The following MAL2 variants were observed in gnomAD, a reference collection of about 807,000 sequenced individuals.
MAL2 encodes the protein mal, T cell differentiation protein 2.
A neutral mutation model predicts 18.1 loss-of-function variants in MAL2; 17 were observed. The observed-to-expected ratio is 0.94, with a 90% confidence interval of 0.64 to 1.41. MAL2 has a LOEUF of 1.41. Ranked by LOEUF, MAL2 falls within the 40% of genes most tolerant of loss-of-function variation. The probability of loss-of-function intolerance (pLI) is 0.00; values close to 1 mark genes in which losing one functional copy is unlikely to be tolerated. For missense variants in MAL2, 222 were observed against 231.9 expected, an observed-to-expected ratio of 0.96 and a Z score of 0.28; for synonymous variants, 102 against 102.3, an observed-to-expected ratio of 1.00 and a Z score of 0.02.
At chr8:119,228,231 G>A (rs1228378654) in intron 2 of MAL2, among the ~76,000 whole-genome samples, 1 of 152,210 alleles carries the variant, frequency 6.6e-6, no homozygotes, top group East Asian at 1.9e-4. Context: ...GGACAAAAGA[G>A]TCCAAAGTGG....
intron 1 of MAL2, among the ~76,000 whole-genome samples, chr8:119,219,252 A>G (rs538727987): frequency 6.6e-6 from 1 of 152,310 alleles, no homozygotes; most frequent in African/African-American, 2.4e-5. Context: ...TGATTTGATT[A>G]TCATTGATCA....
chr8:119,229,766 C>A (rs1010883883), intron 2 of MAL2, among the ~76,000 whole-genome samples: 1 of 152,184 alleles, frequency 6.6e-6, no homozygotes, highest in South Asian at 2.1e-4. Context: ...TTCAACCTTG[C>A]AACCACATAG....
At position 119,221,690 on chromosome 8, in the gene MAL2, C is replaced by A. The variant is rs745631374; in HGVS notation, c.236C>A (p.Ser79Ter). 1.9e-5 allele frequency: 31 copies of A among 1,613,738 alleles called. No homozygotes were observed. The highest frequency in any genetic ancestry group is 2.6e-5 in the Non-Finnish European group (31 of 1,179,838). The change falls in exon 2 of 4, where the codon TCG becomes TAG. Residue 79 changes from serine (S) to a stop codon, truncating the protein, a stop_gained. Coordinates refer to ENST00000614891, the MANE Select transcript of MAL2 (RefSeq NM_052886.3). LOFTEE classifies it high-confidence loss of function. The stretch of plus-strand genomic sequence containing the variant: ...GTGTCCGTGACAGCGTTTTTCTTTT[C>A]GCTCCTCTTTCTGGGCATGTTCCTC... ...MFVSVTAFFFSLLFLGMFLSG... is the reference protein window; with the variant it reads ...MFVSVTAFFF
At chr8:119,213,595 G>T (rs1817298294) in intron 1 of MAL2, among the ~76,000 whole-genome samples, 1 of 152,106 alleles carries the variant, frequency 6.6e-6, no homozygotes, top group African/African-American at 2.4e-5. Context: ...GAAGCAGGTG[G>T]ATCACCTGAG....
chr8:119,224,358 T>C (rs1008050552), intron 2 of MAL2: 1 of 152,120 alleles, frequency 6.6e-6, no homozygotes, highest in Admixed American at 6.6e-5. Context: ...AAACAGAAGA[T>C]TCTAAATTTA....
rs1818121219 is a variant in MAL2 at position 119,244,940 on chromosome 8, T to A, written c.*1452T>A. On this transcript the variant is annotated 3_prime_UTR_variant, in exon 4 of 4. Coordinates refer to ENST00000614891, the MANE Select transcript of MAL2 (RefSeq NM_052886.3). Reference sequence around the variant, plus strand: ...CTTTTTCAGCCCTTTACTTTCTGGCTGAAGCATCCCCTTGGAGTGCCATGT... The same window carrying A: ...CTTTTTCAGCCCTTTACTTTCTGGCAGAAGCATCCCCTTGGAGTGCCATGT... 6.6e-6 allele frequency: 1 copy of A among 152,606 alleles called. No homozygotes were observed. Among genetic ancestry groups the A allele is most frequent in the Non-Finnish European group, 1.5e-5 (1 of 68,028 alleles). 9.5% of individuals were successfully genotyped at this position (152,606 alleles called of 1,614,324 possible).
chr8:119,244,823 C>T lies in MAL2; in HGVS notation c.*1335C>T, dbSNP rs1012191681. 4 of 152,580 alleles carry T rather than the reference C, an allele frequency of 2.6e-5. No homozygotes were observed. In the South Asian group the frequency reaches 6.2e-4, roughly 24 times the overall value. The allele number at this position is 152,580 out of a possible 1,614,324, so 9.5% of individuals were successfully genotyped here. ...ATTTTAACCTACCTGTAGAGATCCT[C>T]GTCATGGAAAGGTGCCAAACTGTTT... On this transcript the variant is annotated 3_prime_UTR_variant, in exon 4 of 4. Transcript: ENST00000614891.
At chr8:119,240,419 C>T (rs966817195) in intron 3 of MAL2, 99 bp downstream of exon 3, 44 of 1,255,250 alleles carry the variant, frequency 3.5e-5, no homozygotes, top group Non-Finnish European at 4.5e-5. Context: ...TTCTTCAATG[C>T]TAGCCATTGG....
chr8:119,244,893 C>T lies in MAL2; in HGVS notation c.*1405C>T, dbSNP rs975457040. On this transcript the variant is annotated 3_prime_UTR_variant, in exon 4 of 4. Transcript: ENST00000614891. ...GAGTGAGGCCACAGTTCCCACCACA[C>T]GAGGGCTTTTGTATTGTTCTACTTT... The T allele has an allele frequency of 6.5e-6, 1 of 152,674 alleles. No homozygotes were observed. The highest frequency in any genetic ancestry group is 2.1e-4 in the South Asian group (1 of 4,824). 9.5% of individuals were successfully genotyped at this position (152,674 alleles called of 1,614,324 possible). A position where few individuals can be genotyped will look rare whatever the true frequency, so the allele number is the denominator to read the frequency against.
chr8:119,242,671 T>C (rs997396467), intron 3 of MAL2, among the ~76,000 whole-genome samples: 2 of 152,226 alleles, frequency 1.3e-5, no homozygotes, highest in African/African-American at 4.8e-5. Flanking sequence ...TAGGTGAATC[T>C]GGTATTCCTT....
At chr8:119,209,924 G>T (rs1402658973) in intron 1 of MAL2, among the ~76,000 whole-genome samples, 1 of 152,108 alleles carries the variant, frequency 6.6e-6, no homozygotes, top group Non-Finnish European at 1.5e-5. Context: ...CGATGGCATT[G>T]GGCTGGCTGC....
intron 2 of MAL2, among the ~76,000 whole-genome samples, chr8:119,234,954 A>T (rs561085233): frequency 5.5e-4 from 83 of 152,266 alleles, no homozygotes; most frequent in African/African-American, 1.9e-3. Flanking sequence ...ACAAAGCTGG[A>T]TGGAGAATGA....
At chr8:119,238,147 C>A (rs1269971296) in intron 2 of MAL2, among the ~76,000 whole-genome samples, 7 of 152,224 alleles carry the variant, frequency 4.6e-5, no homozygotes, top group Non-Finnish European at 1.0e-4. Flanking sequence ...CAATAACATA[C>A]AAACAGGGAG....
chr8:119,238,195 AAG>A (rs1452970595), intron 2 of MAL2, among the ~76,000 whole-genome samples: 4 of 152,222 alleles, frequency 2.6e-5, no homozygotes, highest in African/African-American at 9.6e-5. Context: ...AATTGCTTCA[AAG>A]AGAATAAAAT....
intron 2 of MAL2, among the ~76,000 whole-genome samples, chr8:119,228,297 T>C (rs757335052): frequency 3.3e-5 from 5 of 152,104 alleles, no homozygotes; most frequent in Non-Finnish European, 7.4e-5. Flanking sequence ...TCCTCTGTCC[T>C]TGTCCCTTTG....
At chr8:119,218,570 A>G (rs1315523010) in intron 1 of MAL2, among the ~76,000 whole-genome samples, 1 of 152,088 alleles carries the variant, frequency 6.6e-6, no homozygotes, top group African/African-American at 2.4e-5. Flanking sequence ...CTGCTCCTGA[A>G]TCAGTTTAAT....
intron 1 of MAL2, among the ~76,000 whole-genome samples, chr8:119,214,271 T>C (rs1817309904): frequency 6.6e-6 from 1 of 152,230 alleles, no homozygotes; most frequent in South Asian, 2.1e-4. Context: ...GAAGGGCAGC[T>C]TGGGAGTAGA....
chr8:119,230,829 G>A (rs1817705141), intron 2 of MAL2, among the ~76,000 whole-genome samples: 1 of 152,120 alleles, frequency 6.6e-6, no homozygotes, highest in Non-Finnish European at 1.5e-5. Flanking sequence ...GCTAATATTT[G>A]TTGAATAACC....
rs185674556 is a variant in MAL2, at chr8:119,244,540, G to A, written c.*1052G>A. On this transcript the variant is annotated 3_prime_UTR_variant, in exon 4 of 4. Coordinates refer to ENST00000614891, the MANE Select transcript of MAL2 (RefSeq NM_052886.3). ...GAATACAGTTGTTTGCCCTGTGCAT[G>A]AATATACCCATATTTGTGTGTGGAT... 1 of 152,244 alleles carries A rather than the reference G, an allele frequency of 6.6e-6. No homozygotes were observed. The highest frequency in any genetic ancestry group is 1.5e-5 in the Non-Finnish European group (1 of 68,010). 9.4% of individuals were successfully genotyped at this position (152,244 alleles called of 1,614,324 possible). A position where few individuals can be genotyped will look rare whatever the true frequency, so the allele number is the denominator to read the frequency against.
Sources: gnomAD v4.1 joint callset for allele counts (sites outside exome capture counted in the v4.1 genomes callset) on GRCh38, gnomAD v4.1.1 for gene constraint, MANE v1.5 for transcripts, NCBI Gene and HGNC (gene_info 2026-07-23, HGNC 2026-07-21) for gene names.